Variants in SPATS2 observed in about 807,000 individuals in gnomAD.
The protein encoded by SPATS2 is spermatogenesis associated serine rich 2.
A neutral mutation model predicts 63.7 loss-of-function variants in SPATS2; 38 were observed. The observed-to-expected ratio is 0.60, with a 90% confidence interval of 0.46 to 0.78. The LOEUF is 0.78. Among genes scored for constraint, SPATS2 ranks in the 30% least tolerant of loss-of-function variants. SPATS2 has a pLI of 0.00. For synonymous variants in SPATS2, 207 were observed against 232.9 expected (o/e 0.89, Z 1.01); for missense variants, 588 against 666.2 (o/e 0.88, Z 1.29).
intron 2 of SPATS2, among the ~76,000 whole-genome samples, chr12:49,430,099 G>GTTTTTTT (rs536889902): frequency 1.0e-5 from 1 of 98,430 alleles, no homozygotes; most frequent in Non-Finnish European, 2.0e-5. Context: ...CATATTTCTT[G>GTTTTTTT]TTTTTTTTTT....
chr12:49,522,897 A>T, intron 12 of SPATS2, 44 bp downstream of exon 12: 1 of 1,515,060 alleles, frequency 6.6e-7, no homozygotes, highest in Non-Finnish European at 9.1e-7. Context: ...GGTGATTATT[A>T]ATTAGAGACT....
At chr12:49,467,054 T>G (rs867713743) in intron 3 of SPATS2, among the ~76,000 whole-genome samples, 3,840 of 132,562 alleles carry the variant, frequency 0.029, 95 homozygotes, top group Middle Eastern at 0.081. Flanking sequence ...GTTTTTTTTT[T>G]TTTTTTTTTT....
intron 2 of SPATS2, among the ~76,000 whole-genome samples, chr12:49,418,847 T>C (rs1271476869): frequency 2.6e-5 from 4 of 152,142 alleles, no homozygotes; most frequent in African/African-American, 9.7e-5. Context: ...ATGAGAAGAA[T>C]CAGAAAACAA....
chr12:49,491,783 T>A (rs577830994), intron 6 of SPATS2, among the ~76,000 whole-genome samples: 1 of 152,350 alleles, frequency 6.6e-6, no homozygotes, highest in South Asian at 2.1e-4. Flanking sequence ...CTCGTTCCTT[T>A]CTCCTTATTT....
At chr12:49,464,015 A>C (rs977863111) in intron 3 of SPATS2, among the ~76,000 whole-genome samples, 1 of 152,216 alleles carries the variant, frequency 6.6e-6, no homozygotes, top group Non-Finnish European at 1.5e-5. Flanking sequence ...CTGTCTGTGA[A>C]CTGGAGAAGT....
chr12:49,367,422 G>T, upstream of SPATS2: 1 of 398,894 alleles, frequency 2.5e-6, no homozygotes, highest in Non-Finnish European at 4.4e-6. Context: ...TGGGGGCGGG[G>T]CGGCGTCCGG....
At chr12:49,449,561 T>G (rs919947208) in intron 2 of SPATS2, among the ~76,000 whole-genome samples, 3 of 152,152 alleles carry the variant, frequency 2.0e-5, no homozygotes, top group African/African-American at 7.2e-5. Context: ...ACGCTGCAAA[T>G]AAAGACATAT....
chr12:49,435,501 T>C (rs1053392524), intron 2 of SPATS2, among the ~76,000 whole-genome samples: 3 of 151,526 alleles, frequency 2.0e-5, no homozygotes, highest in African/African-American at 7.3e-5. Context: ...AATTTTTGTA[T>C]TTTTAGTAGG....
intron 2 of SPATS2, among the ~76,000 whole-genome samples, chr12:49,436,969 C>T (rs1020389444): frequency 2.0e-5 from 3 of 149,342 alleles, no homozygotes; most frequent in Non-Finnish European, 4.5e-5. Context: ...CTAACCCCCC[C>T]ACCTCCATTC....
At chr12:49,504,908 C>T (rs942579254) in intron 9 of SPATS2, among the ~76,000 whole-genome samples, 9 of 151,342 alleles carry the variant, frequency 5.9e-5, no homozygotes, top group African/African-American at 2.2e-4. Context: ...GACTACAAGG[C>T]GGGTGCAACC....
chr12:49,454,595 A>T (rs1945685452), intron 2 of SPATS2, among the ~76,000 whole-genome samples: 2 of 152,168 alleles, frequency 1.3e-5, no homozygotes, highest in Non-Finnish European at 2.9e-5. Context: ...AAAAATATCC[A>T]TTATGGATCA....
intron 2 of SPATS2, among the ~76,000 whole-genome samples, chr12:49,381,969 A>T (rs1944230727): frequency 6.6e-6 from 1 of 152,178 alleles, no homozygotes. Context: ...TGTAAGTCTA[A>T]ATTTGGTTAT....
At chr12:49,470,094 C>T (rs1946007924) in intron 3 of SPATS2, among the ~76,000 whole-genome samples, 1 of 151,744 alleles carries the variant, frequency 6.6e-6, no homozygotes, top group Admixed American at 6.6e-5. Flanking sequence ...TGTAATGGCA[C>T]AGTCTTGGCT....
intron 2 of SPATS2, among the ~76,000 whole-genome samples, chr12:49,438,596 T>C (rs943824001): frequency 2.6e-5 from 4 of 152,232 alleles, no homozygotes; most frequent in Non-Finnish European, 5.9e-5. Context: ...AAACTTGGTA[T>C]TGTCTATTTT....
At chr12:49,427,677 T>C (rs1178845951) in intron 2 of SPATS2, among the ~76,000 whole-genome samples, 1 of 152,232 alleles carries the variant, frequency 6.6e-6, no homozygotes, top group Non-Finnish European at 1.5e-5. Flanking sequence ...CAATTTCTTT[T>C]AGAGTTACAG....
chr12:49,482,911 C>T (rs1161731010), intron 3 of SPATS2, among the ~76,000 whole-genome samples: 1 of 151,788 alleles, frequency 6.6e-6, no homozygotes, highest in Non-Finnish European at 1.5e-5. Context: ...GCCTCACCCT[C>T]CCAATTAGCT....
At chr12:49,512,419 G>C (rs1946767643) in intron 9 of SPATS2, among the ~76,000 whole-genome samples, 1 of 152,074 alleles carries the variant, frequency 6.6e-6, no homozygotes, top group Non-Finnish European at 1.5e-5. Context: ...ATGGTAGCTG[G>C]ATATATTATA....
chr12:49,436,618 A>C (rs1275999676), intron 2 of SPATS2, among the ~76,000 whole-genome samples: 1 of 103,114 alleles, frequency 9.7e-6, no homozygotes, highest in Non-Finnish European at 2.0e-5. Context: ...TGACCCCCCC[A>C]CCTCCCTCCC....
chr12:49,476,125 G>T (rs901251362), intron 3 of SPATS2, among the ~76,000 whole-genome samples: 1 of 152,116 alleles, frequency 6.6e-6, no homozygotes, highest in Non-Finnish European at 1.5e-5. Context: ...CCCATCCTGT[G>T]CCTATAAAAA....
Sources: allele counts gnomAD v4.1 joint callset (sites outside exome capture counted in the v4.1 genomes callset), GRCh38; gene constraint gnomAD v4.1.1; transcripts MANE v1.5; gene names NCBI Gene and HGNC (gene_info 2026-07-23, HGNC 2026-07-21).